The following KCNMB2 variants were observed in gnomAD, a reference collection of about 807,000 sequenced individuals.
KCNMB2 encodes the protein calcium-activated potassium channel subunit beta-2.
KCNMB2 carries 9 observed loss-of-function variants against 24.5 expected under a neutral mutation model. The ratio of observed to expected loss-of-function variants is 0.37; its 90% CI spans 0.22 to 0.64. The LOEUF is 0.64. KCNMB2 is among the 30% of genes least tolerant of loss of function. The pLI is 0.63. For synonymous variants in KCNMB2, 109 were observed against 104.4 expected (o/e 1.04, Z -0.27); for missense variants, 226 against 284.3 (o/e 0.79, Z 1.47).
intron 1 of KCNMB2, among the ~76,000 whole-genome samples, chr3:178,696,226 A>C (rs1057155041): frequency 5.9e-5 from 9 of 152,212 alleles, no homozygotes; most frequent in Non-Finnish European, 1.3e-4. Flanking sequence ...AACCATCCTT[A>C]TGATTTAATT....
intron 1 of KCNMB2, among the ~76,000 whole-genome samples, chr3:178,804,430 GT>G (rs915524400): frequency 6.6e-6 from 1 of 152,246 alleles, no homozygotes; most frequent in Non-Finnish European, 1.5e-5. Flanking sequence ...ACTTCAGCAG[GT>G]TTTAAATAAT....
At chr3:178,683,934 G>A (rs1721366012) in intron 1 of KCNMB2, among the ~76,000 whole-genome samples, 1 of 152,168 alleles carries the variant, frequency 6.6e-6, no homozygotes, top group African/African-American at 2.4e-5. Flanking sequence ...ACTACCCCAT[G>A]ATCCAACAAC....
At chr3:178,792,387 A>G (rs1432869710) in intron 1 of KCNMB2, among the ~76,000 whole-genome samples, 1 of 152,168 alleles carries the variant, frequency 6.6e-6, no homozygotes, top group Admixed American at 6.5e-5. Context: ...GCCTCATGGT[A>G]ACCTCAAATC....
chr3:178,636,321 G>A (rs567056378), intron 1 of KCNMB2, among the ~76,000 whole-genome samples: 1 of 152,224 alleles, frequency 6.6e-6, no homozygotes, highest in African/African-American at 2.4e-5. Context: ...GGTGATGGGT[G>A]CACCAAAATC....
intron 1 of KCNMB2, among the ~76,000 whole-genome samples, chr3:178,593,518 G>A (rs1177986380): frequency 6.6e-6 from 1 of 151,896 alleles, no homozygotes; most frequent in Non-Finnish European, 1.5e-5. Flanking sequence ...AGTGGTTTTG[G>A]AGTCCTTGAG....
intron 1 of KCNMB2, among the ~76,000 whole-genome samples, chr3:178,568,842 T>C (rs1406675161): frequency 3.2e-5 from 4 of 126,156 alleles, no homozygotes; most frequent in African/African-American, 9.8e-5. Context: ...GATAGATAGA[T>C]AGATAGATAG....
intron 1 of KCNMB2, among the ~76,000 whole-genome samples, chr3:178,609,117 A>C (rs1325405344): frequency 2.0e-5 from 3 of 152,200 alleles, no homozygotes; most frequent in Non-Finnish European, 4.4e-5. Flanking sequence ...AACAATGTAC[A>C]ACAGTTCCCT....
chr3:178,823,503 A>G (rs1714714451), intron 2 of KCNMB2, among the ~76,000 whole-genome samples: 1 of 152,242 alleles, frequency 6.6e-6, no homozygotes, highest in Non-Finnish European at 1.5e-5. Context: ...CCTCAAAAAG[A>G]GAACTTTAAA....
chr3:178,776,948 T>C lies in KCNMB2; in HGVS notation c.-67-30395T>C, dbSNP rs533828524. Among the ~76,000 whole-genome samples, 4 of 152,284 alleles carry C rather than the reference T, an allele frequency of 2.6e-5. No individual in the cohort carries two copies. The East Asian group carries it at 7.7e-4, about 29-fold the overall frequency. On this transcript the variant is annotated intron_variant, in intron 1 of 4. Coordinates refer to ENST00000452583, the MANE Select transcript of KCNMB2 (RefSeq NM_181361.3). ...AGGAATAATAAAAATACCTATCTTA[T>C]GGGGGTTTCCGGCAACTACATTAAT...
At chr3:178,742,925 C>T (rs548318637) in intron 1 of KCNMB2, among the ~76,000 whole-genome samples, 1 of 152,236 alleles carries the variant, frequency 6.6e-6, no homozygotes, top group East Asian at 1.9e-4. Flanking sequence ...GGGCCTTGTC[C>T]AGGCTGTCTC....
chr3:178,824,574 CCA>C (rs1714761315), intron 2 of KCNMB2: 1 of 166,644 alleles, frequency 6.0e-6, no homozygotes, highest in Non-Finnish European at 1.3e-5. Context: ...CGGGGTTTCA[CCA>C]TGTTAGCCAG....
chr3:178,701,314 A>G (rs1051193326), intron 1 of KCNMB2, among the ~76,000 whole-genome samples: 2 of 152,098 alleles, frequency 1.3e-5, no homozygotes, highest in African/African-American at 2.4e-5. Flanking sequence ...CCATTAGTCT[A>G]TATCTCTGTT....
At chr3:178,550,277 C>T (rs1237209064) in intron 1 of KCNMB2, among the ~76,000 whole-genome samples, 1 of 149,190 alleles carries the variant, frequency 6.7e-6, no homozygotes, top group East Asian at 1.9e-4. Flanking sequence ...GGTGAAACCC[C>T]ATTTCTACTA....
chr3:178,727,665 A>C lies in KCNMB2; in HGVS notation c.-67-79678A>C, dbSNP rs551546306. On this transcript the variant is annotated intron_variant, in intron 1 of 4. Coordinates refer to ENST00000452583, the MANE Select transcript of KCNMB2 (RefSeq NM_181361.3). The stretch of plus-strand genomic sequence containing the variant: ...GAGGAAGGGAGTCATGAGCCAAAAA[A>C]AGTGGGCAACCTCTAGTAGCTAGAA... 4.6e-5 allele frequency among the ~76,000 whole-genome samples: 7 copies of C among 152,246 alleles called. No homozygotes were observed. The East Asian group carries it at 1.4e-3, about 29-fold the overall frequency.
intron 1 of KCNMB2, among the ~76,000 whole-genome samples, chr3:178,657,636 T>G (rs1199420096): frequency 6.6e-6 from 1 of 152,240 alleles, no homozygotes; most frequent in African/African-American, 2.4e-5. Context: ...CCACACTGTC[T>G]TAGCCTGTTT....
At chr3:178,758,236 AAGGGGATATATATATATATC>A (rs1724267077) in intron 1 of KCNMB2, among the ~76,000 whole-genome samples, 1 of 39,920 alleles carries the variant, frequency 2.5e-5, no homozygotes, top group East Asian at 7.2e-4. Flanking sequence ...ATATATATCC[AAGGGGATATATATATATATC>A]TCCAAGGGGA....
At chr3:178,618,300 T>C (rs891930966) in intron 1 of KCNMB2, among the ~76,000 whole-genome samples, 2 of 152,234 alleles carry the variant, frequency 1.3e-5, no homozygotes, top group Non-Finnish European at 2.9e-5. Flanking sequence ...GTCCTAAATA[T>C]TGGCATTATT....
intron 1 of KCNMB2, among the ~76,000 whole-genome samples, chr3:178,572,505 A>C (rs989573254): frequency 1.3e-5 from 2 of 152,236 alleles, no homozygotes; most frequent in Non-Finnish European, 2.9e-5. Context: ...TTAGAACATG[A>C]TATCTAGTAG....
chr3:178,564,803 AT>A (rs892671597), intron 1 of KCNMB2, among the ~76,000 whole-genome samples: 9 of 152,114 alleles, frequency 5.9e-5, no homozygotes, highest in African/African-American at 2.2e-4. Flanking sequence ...CAGCAACAAA[AT>A]TTTTAGCCAT....
Sources: gnomAD v4.1 joint callset for allele counts (sites outside exome capture counted in the v4.1 genomes callset) on GRCh38, gnomAD v4.1.1 for gene constraint, MANE v1.5 for transcripts, NCBI Gene and HGNC (gene_info 2026-07-23, HGNC 2026-07-21) for gene names.